Variants in SPRYD4 observed in about 807,000 individuals in gnomAD.
SPRYD4 encodes the protein SPRY domain-containing protein 4.
In SPRYD4, 12 loss-of-function variants were observed where a neutral mutation model predicts 16.6. The observed-to-expected ratio is 0.72, with a 90% CI of 0.46 to 1.17. SPRYD4 has a LOEUF of 1.17. Among genes scored for constraint, SPRYD4 ranks in the 50% most tolerant of loss-of-function variants. SPRYD4 has a pLI of 0.00. For synonymous variants in SPRYD4, 98 were observed against 105.4 expected, an observed-to-expected ratio of 0.93 and a Z score of 0.43; for missense variants, 260 against 260.2, an observed-to-expected ratio of 1.00 and a Z score of 0.00.
Position 56,469,177 on chromosome 12 carries a change from C to T in SPRYD4, c.224C>T (p.Ala75Val). The change falls in exon 2 of 2, where the codon GCA (alanine) becomes GTA (valine). Residue 75 changes from alanine to valine, a missense_variant. Ala to Val is a moderately conservative substitution (Grantham distance 64). Coordinates refer to ENST00000338146, the MANE Select transcript of SPRYD4 (RefSeq NM_207344.4). Reference protein sequence around the residue: ...ALNVERFREWAVVLADTAVTS... With the variant: ...ALNVERFREWVVVLADTAVTS... ...AATGTGGAGCGCTTCCGGGAGTGGGCAGTGGTGCTGGCAGACACAGCGGTC... is the reference window on the plus strand; with the variant it reads ...AATGTGGAGCGCTTCCGGGAGTGGGTAGTGGTGCTGGCAGACACAGCGGTC... 6.2e-7 allele frequency: 1 copy of T among 1,614,110 alleles called. No homozygotes were observed. The highest frequency in any genetic ancestry group is 8.5e-7 in the Non-Finnish European group (1 of 1,180,014).
At position 56,471,317 on chromosome 12, in the gene SPRYD4, G is replaced by T; in HGVS notation, c.*1740G>T. ...GGCCCTTCTCTGTACTCTGTCTGCT[G>T]AGGGAATGGGGTATTTTGACTCCCA... On this transcript the variant is annotated 3_prime_UTR_variant, in exon 2 of 2. Transcript: ENST00000338146. The T allele has an allele frequency of 1.5e-6, 1 of 664,182 alleles. No individual in the cohort carries two copies. Among genetic ancestry groups the T allele is most frequent in the Non-Finnish European group, 2.5e-6 (1 of 401,678 alleles). The allele number at this position is 664,182 out of a possible 1,614,324, so 41.1% of individuals were successfully genotyped here.
rs1870063304 is a variant in SPRYD4 at position 56,478,967 on chromosome 12, G to C, written c.*9390G>C. On this transcript the variant is annotated 3_prime_UTR_variant, in exon 2 of 2. Transcript: ENST00000338146. ...CCATTGCACTCCAGCCCGGGTGACA[G>C]AGCAAAACTCTGTCTCAGGAAAAAA... 1 of 1,508,904 alleles carries C rather than the reference G, an allele frequency of 6.6e-7. No individual in the cohort carries two copies. Among genetic ancestry groups the C allele is most frequent in the Non-Finnish European group, 8.8e-7 (1 of 1,133,684 alleles). The allele number at this position is 1,508,904 out of a possible 1,614,324, so 93.5% of individuals were successfully genotyped here.
At position 56,479,157 on chromosome 12, in the gene SPRYD4, G is replaced by C. The variant is rs755803526; in HGVS notation, c.*9580G>C. On this transcript the variant is annotated 3_prime_UTR_variant, in exon 2 of 2. Coordinates refer to ENST00000338146, the MANE Select transcript of SPRYD4 (RefSeq NM_207344.4). Reference sequence around the variant, plus strand: ...ACTTCTTTCGGAATGCCTGGGTCAGGAGCACAATGTTGCTGCTCACACACC... The same window carrying C: ...ACTTCTTTCGGAATGCCTGGGTCAGCAGCACAATGTTGCTGCTCACACACC... The C allele has an allele frequency of 6.2e-7, 1 of 1,613,886 alleles. No homozygotes were observed. The highest frequency in any genetic ancestry group is 8.5e-7 in the Non-Finnish European group (1 of 1,180,014).
chr12:56,477,602 TACAGGAAC>T lies in SPRYD4; in HGVS notation c.*8032_*8039del. On this transcript the variant is annotated 3_prime_UTR_variant, in exon 2 of 2. Transcript: ENST00000338146. ...TGGAGAGCTGAACAAATATGAGGGA[TACAGGAAC>T]ACAGGAGCTTAGAGGATAATACCTA... The T allele has an allele frequency of 6.6e-7, 1 of 1,524,542 alleles. No individual in the cohort carries two copies. The highest frequency in any genetic ancestry group is 1.4e-5 in the African/African-American group (1 of 72,280). 94.4% of individuals were successfully genotyped at this position (1,524,542 alleles called of 1,614,324 possible). A position where few individuals can be genotyped will look rare whatever the true frequency, so the allele number is the denominator to read the frequency against.
chr12:56,477,412 C>G lies in SPRYD4; in HGVS notation c.*7835C>G. On this transcript the variant is annotated 3_prime_UTR_variant, in exon 2 of 2. Coordinates refer to ENST00000338146, the MANE Select transcript of SPRYD4 (RefSeq NM_207344.4). ...TCACTTCTCTAAGGGTCAGAAAGCT[C>G]TAGGCTCTAGACTCATGGGTGGGGG... The G allele has an allele frequency of 2.7e-6, 1 of 371,858 alleles. No individual in the cohort carries two copies. The highest frequency in any genetic ancestry group is 4.9e-6 in the Non-Finnish European group (1 of 205,500). The allele number at this position is 371,858 out of a possible 1,614,324, so 23.0% of individuals were successfully genotyped here. A position where few individuals can be genotyped will look rare whatever the true frequency, so the allele number is the denominator to read the frequency against.
At position 56,473,242 on chromosome 12, in the gene SPRYD4, C is replaced by T. The variant is rs755576770; in HGVS notation, c.*3665C>T. ...GTTTTCCTTACCCGAATTTCTGCCC[C>T]TTCACGCCGTGGGTCTAACTTCCGA... On this transcript the variant is annotated 3_prime_UTR_variant, in exon 2 of 2. Coordinates refer to ENST00000338146, the MANE Select transcript of SPRYD4 (RefSeq NM_207344.4). The T allele has an allele frequency of 1.1e-5, 17 of 1,614,000 alleles. No homozygotes were observed. The highest frequency in any genetic ancestry group is 5.0e-5 in the Admixed American group (3 of 59,974).
rs1418017796 is a variant in SPRYD4 at position 56,470,634 on chromosome 12, T to G, written c.*1057T>G. 1 of 152,230 alleles carries G rather than the reference T, an allele frequency of 6.6e-6. No individual in the cohort carries two copies. The highest frequency in any genetic ancestry group is 2.4e-5 in the African/African-American group (1 of 41,464). The allele number at this position is 152,230 out of a possible 1,614,324, so 9.4% of individuals were successfully genotyped here. On this transcript the variant is annotated 3_prime_UTR_variant, in exon 2 of 2. Coordinates refer to ENST00000338146, the MANE Select transcript of SPRYD4 (RefSeq NM_207344.4). ...GCCACCACACCCGGCCAAAACTGTT[T>G]ATTCTTGAGAAGTTCCATCTTCATT...
rs998364089 is a variant in SPRYD4 at position 56,472,952 on chromosome 12, C to T, written c.*3375C>T. ...GTTCAGGCTGAAGTGTAGTGGCGCG[C>T]GGTCTTGGCTCACTGCAACCTCTGC... On this transcript the variant is annotated 3_prime_UTR_variant, in exon 2 of 2. Transcript: ENST00000338146. 5.9e-5 allele frequency: 34 copies of T among 578,678 alleles called. No homozygotes were observed. The South Asian group carries it at 5.9e-4, about 10-fold the overall frequency. The allele number at this position is 578,678 out of a possible 1,614,324, so 35.8% of individuals were successfully genotyped here.
chr12:56,468,819 A>G, intron 1 of SPRYD4, 143 bp downstream of exon 1: 1 of 1,062,268 alleles, frequency 9.4e-7, no homozygotes, highest in Non-Finnish European at 1.3e-6. Flanking sequence ...AACCTGTGAT[A>G]CCATTTGGTT....
chr12:56,475,992 A>C lies in SPRYD4; in HGVS notation c.*6415A>C. ...TTACAGTCCATCTGCAGAGAAAGAG[A>C]GAGATGTCAGCATTCTAAGTGTAGG... On this transcript the variant is annotated 3_prime_UTR_variant, in exon 2 of 2. Coordinates refer to ENST00000338146, the MANE Select transcript of SPRYD4 (RefSeq NM_207344.4). 1.2e-6 allele frequency: 2 copies of C among 1,611,972 alleles called. No individual in the cohort carries two copies. Among genetic ancestry groups the C allele is most frequent in the Non-Finnish European group, 1.7e-6 (2 of 1,179,714 alleles).
At position 56,471,469 on chromosome 12, in the gene SPRYD4, G is replaced by GCTGT; in HGVS notation, c.*1894_*1897dup. Reference sequence around the variant, plus strand: ...AGCTCATGCTTTTTCTTGAGCAGGGGCTGTCCATGACCTGTGCTCATACCA... The same window carrying GCTGT: ...AGCTCATGCTTTTTCTTGAGCAGGGGCTGTCTGTCCATGACCTGTGCTCATACCA... On this transcript the variant is annotated 3_prime_UTR_variant, in exon 2 of 2. Transcript: ENST00000338146. 1.3e-6 allele frequency: 2 copies of GCTGT among 1,597,412 alleles called. No individual in the cohort carries two copies. Among genetic ancestry groups the GCTGT allele is most frequent in the African/African-American group, 2.7e-5 (2 of 74,518 alleles).
Position 56,471,626 on chromosome 12 carries a change from A to AG in SPRYD4, c.*2053dup. 1.2e-6 allele frequency: 2 copies of AG among 1,614,122 alleles called. No homozygotes were observed. Among genetic ancestry groups the AG allele is most frequent in the Non-Finnish European group, 1.7e-6 (2 of 1,179,992 alleles). Reference sequence around the variant, plus strand: ...ATGGTTGAACTGCACAGCATCATCCAGGGGAATGTTGCCCCACCTGAGAGG... The same window carrying AG: ...ATGGTTGAACTGCACAGCATCATCCAGGGGGAATGTTGCCCCACCTGAGAGG... On this transcript the variant is annotated 3_prime_UTR_variant, in exon 2 of 2. Transcript: ENST00000338146.
chr12:56,475,651 T>C lies in SPRYD4; in HGVS notation c.*6074T>C, dbSNP rs535717364. 41 of 1,614,212 alleles carry C rather than the reference T, an allele frequency of 2.5e-5. No homozygotes were observed. The South Asian group carries it at 3.7e-4, about 15-fold the overall frequency. The stretch of plus-strand genomic sequence containing the variant: ...GGCATTGCTGAAACCCATGTATTCA[T>C]TCCCAGCCATTTTGTTGAGATACTG... On this transcript the variant is annotated 3_prime_UTR_variant, in exon 2 of 2. Coordinates refer to ENST00000338146, the MANE Select transcript of SPRYD4 (RefSeq NM_207344.4).
chr12:56,469,556 T>G lies in SPRYD4; in HGVS notation c.603T>G (p.Leu201=). Residue 201 remains leucine (L), a synonymous_variant, in exon 2 of 2, where the codon CTT becomes CTG. Transcript: ENST00000338146. ...WDGELLTHSG[L]EVPEGL ...GGGAGCTGCTGACCCATTCAGGGCT[T>G]GAGGTGCCCGAGGGCCTCTAGTATG... is the stretch of plus-strand genomic sequence containing the variant. 1 of 1,613,776 alleles carries G rather than the reference T, an allele frequency of 6.2e-7. No homozygotes were observed. Among genetic ancestry groups the G allele is most frequent in the Non-Finnish European group, 8.5e-7 (1 of 1,179,846 alleles).
At position 56,471,552 on chromosome 12, in the gene SPRYD4, A is replaced by G; in HGVS notation, c.*1975A>G. On this transcript the variant is annotated 3_prime_UTR_variant, in exon 2 of 2. Coordinates refer to ENST00000338146, the MANE Select transcript of SPRYD4 (RefSeq NM_207344.4). ...GCTGCTGCCTCAGCCTGAGTTTCAG[A>G]GAGTGTGTAGGAGTCCTGGTAATCT... 4 of 1,614,104 alleles carry G rather than the reference A, an allele frequency of 2.5e-6. No homozygotes were observed. In the South Asian group the frequency reaches 4.4e-5, roughly 18 times the overall value.
In SPRYD4 at chr12:56,478,303, G is replaced by A. The variant is rs777480951; in HGVS notation, c.*8726G>A. 4 of 1,590,840 alleles carry A rather than the reference G, an allele frequency of 2.5e-6. No individual in the cohort carries two copies. Among genetic ancestry groups the A allele is most frequent in the Non-Finnish European group, 2.6e-6 (3 of 1,158,984 alleles). On this transcript the variant is annotated 3_prime_UTR_variant, in exon 2 of 2. Transcript: ENST00000338146. ...TAGAGAAAAGGGAGATGGATGTGGA[G>A]AAGAGGAACAGAGTTGAGGTTGAGG...
In SPRYD4 at chr12:56,479,032, C is replaced by G; in HGVS notation, c.*9455C>G. 1 of 1,611,548 alleles carries G rather than the reference C, an allele frequency of 6.2e-7. No individual in the cohort carries two copies. The highest frequency in any genetic ancestry group is 8.5e-7 in the Non-Finnish European group (1 of 1,179,008). ...TCTGGCCCAGGTCCCTGACCCCTCC[C>G]TTAGTCCCCTGACTCTCACTTTGCC... On this transcript the variant is annotated 3_prime_UTR_variant, in exon 2 of 2. Transcript: ENST00000338146.
Position 56,475,548 on chromosome 12 carries a change from A to C in SPRYD4, c.*5971A>C, listed in dbSNP as rs866173972. ...TTCCTCCTAAGATTCTCTCTCCCCCATTCCTCTTGTCCCCATCCTAAGTAC... is the reference window on the plus strand; with the variant it reads ...TTCCTCCTAAGATTCTCTCTCCCCCCTTCCTCTTGTCCCCATCCTAAGTAC... On this transcript the variant is annotated 3_prime_UTR_variant, in exon 2 of 2. Coordinates refer to ENST00000338146, the MANE Select transcript of SPRYD4 (RefSeq NM_207344.4). 187 of 1,467,370 alleles carry C rather than the reference A, an allele frequency of 1.3e-4. 3 individuals are homozygous for C. In the South Asian group the frequency reaches 1.4e-3, roughly 11 times the overall value. The allele number at this position is 1,467,370 out of a possible 1,614,324, so 90.9% of individuals were successfully genotyped here.
rs1869957408 is a variant in SPRYD4 at position 56,477,846 on chromosome 12, C to A, written c.*8269C>A. The A allele has an allele frequency of 2.6e-6, 4 of 1,549,120 alleles. No individual in the cohort carries two copies. Among genetic ancestry groups the A allele is most frequent in the Non-Finnish European group, 3.5e-6 (4 of 1,140,192 alleles). ...GCATGACAGGGCTAATCAGGAAGGG[C>A]AGAGAAACAAAAAAGGCTGGGAGAT... On this transcript the variant is annotated 3_prime_UTR_variant, in exon 2 of 2. Transcript: ENST00000338146.
Sources: allele counts gnomAD v4.1 joint callset, GRCh38; gene constraint gnomAD v4.1.1; transcripts MANE v1.5; gene names NCBI Gene and HGNC (gene_info 2026-07-23, HGNC 2026-07-21).